RUFY3: variants seen among roughly 807,000 people sequenced by gnomAD.
The protein encoded by RUFY3 is RUN and FYVE domain containing 3, also known as protein RUFY3.
In RUFY3, 34 loss-of-function variants were observed where a neutral mutation model predicts 84.0. The ratio of observed to expected loss-of-function variants is 0.40; its 90% CI spans 0.31 to 0.54. The LOEUF (loss-of-function observed/expected upper bound fraction) is 0.54. Ranked by LOEUF, RUFY3 falls within the 20% of genes least tolerant of loss-of-function variation. The probability of loss-of-function intolerance (pLI) is 0.39; values close to 1 mark genes in which losing one functional copy is unlikely to be tolerated. For missense variants in RUFY3, 507 were observed against 736.8 expected (o/e 0.69, Z 3.61); for synonymous variants, 242 against 252.9 (o/e 0.96, Z 0.41).
chr4:70,755,938 G>A (rs1316868835), intron 1 of RUFY3, among the ~76,000 whole-genome samples: 7 of 150,038 alleles, frequency 4.7e-5, no homozygotes, highest in African/African-American at 1.2e-4. Context: ...GTGACAGAGC[G>A]AGATTCTGTC....
At chr4:70,733,403 T>C (rs528065294) in intron 1 of RUFY3, among the ~76,000 whole-genome samples, 30 of 152,312 alleles carry the variant, frequency 2.0e-4, no homozygotes, top group African/African-American at 7.0e-4. Context: ...GAATGTGCAT[T>C]GGTACATCCT....
chr4:70,773,755 G>A (rs1001961466), intron 6 of RUFY3, among the ~76,000 whole-genome samples, 183 bp downstream of exon 6: 7 of 152,082 alleles, frequency 4.6e-5, no homozygotes, highest in African/African-American at 1.4e-4. Context: ...ACCCTAAAAG[G>A]ATTTTTTTGT....
intron 1 of RUFY3, among the ~76,000 whole-genome samples, chr4:70,749,414 T>C (rs1722754655): frequency 6.6e-6 from 1 of 152,008 alleles, no homozygotes; most frequent in Admixed American, 6.6e-5. Context: ...TTTTAATCTA[T>C]TAAAGATTAG....
chr4:70,705,392 G>T (rs1740172279), intron 1 of RUFY3: 3 of 889,040 alleles, frequency 3.4e-6, no homozygotes, highest in South Asian at 6.8e-5. Context: ...CCCGCGGGGT[G>T]ACCCGAGCCG....
At chr4:70,796,408 C>T (rs1338149464) in intron 14 of RUFY3, among the ~76,000 whole-genome samples, 3 of 152,190 alleles carry the variant, frequency 2.0e-5, no homozygotes, top group African/African-American at 7.2e-5. Context: ...CAGGATTGTA[C>T]TATGAAGTTG....
chr4:70,743,067 T>A (rs1721577115), intron 1 of RUFY3, among the ~76,000 whole-genome samples: 1 of 151,930 alleles, frequency 6.6e-6, no homozygotes, highest in African/African-American at 2.4e-5. Flanking sequence ...TTATTATTAT[T>A]ATATTTATTT....
At chr4:70,774,644 A>AAATATATATATATATAT (rs1553916771) in intron 6 of RUFY3, among the ~76,000 whole-genome samples, 1 of 56,680 alleles carries the variant, frequency 1.8e-5, no homozygotes, top group African/African-American at 8.4e-5. Flanking sequence ...AAAAAAAAAA[A>AAATATATATATATATAT]ATATATATAT....
intron 12 of RUFY3, among the ~76,000 whole-genome samples, chr4:70,790,740 A>G (rs530553337): frequency 2.8e-4 from 42 of 152,304 alleles, no homozygotes; most frequent in African/African-American, 9.4e-4. Context: ...AAGTTCCCGT[A>G]TTAGATCTGT....
Position 70,793,796 on chromosome 4 carries a change from C to A in RUFY3, c.1349C>A (p.Ala450Asp). The change falls in exon 13 of 18, where the codon GCT becomes GAT. Residue 450 changes from alanine to aspartate, a missense_variant. Physicochemically the swap from Ala to Asp is moderately radical, Grantham distance 126. This residue lies in a region of RUFY3 where 334 missense variants were observed against 364.1 expected (regional missense o/e 0.92). Transcript: ENST00000381006. Reference sequence around the variant, plus strand: ...TGGCTCACATCCAGATTGCGCCAGGCTGAGCGAAGCCGCCAATCTGCTGAG... The same window carrying A: ...TGGCTCACATCCAGATTGCGCCAGGATGAGCGAAGCCGCCAATCTGCTGAG... Reference protein sequence around the residue: ...IKQLEQRLRQAERSRQSAELD... With the variant: ...IKQLEQRLRQDERSRQSAELD... 6.2e-7 allele frequency: 1 copy of A among 1,613,994 alleles called. No individual in the cohort carries two copies. The highest frequency in any genetic ancestry group is 8.5e-7 in the Non-Finnish European group (1 of 1,179,968).
upstream of RUFY3, chr4:70,721,955 T>G (rs1742351900): frequency 8.1e-6 from 10 of 1,231,986 alleles, no homozygotes; most frequent in South Asian, 4.1e-4. Context: ...GAGCCTGAAT[T>G]TTCAGTTCAG....
At chr4:70,762,178 G>A (rs1415790543) in intron 1 of RUFY3, among the ~76,000 whole-genome samples, 1 of 152,194 alleles carries the variant, frequency 6.6e-6, no homozygotes, top group Non-Finnish European at 1.5e-5. Flanking sequence ...TAGCCAGTGT[G>A]ATGGCGTGCG....
intron 1 of RUFY3, among the ~76,000 whole-genome samples, chr4:70,715,012 A>G (rs1741403548): frequency 1.3e-5 from 2 of 152,208 alleles, no homozygotes; most frequent in Admixed American, 6.5e-5. Flanking sequence ...TAACAAAGTA[A>G]TGATAAATCA....
upstream of RUFY3, chr4:70,704,084 G>A (rs1739984902): frequency 6.6e-6 from 1 of 152,342 alleles, no homozygotes; most frequent in African/African-American, 2.4e-5. Flanking sequence ...CACGGGCACT[G>A]TGAAAGAGAA....
chr4:70,738,564 G>C (rs1190398252), intron 1 of RUFY3, among the ~76,000 whole-genome samples: 1 of 150,266 alleles, frequency 6.7e-6, no homozygotes, highest in African/African-American at 2.4e-5. Flanking sequence ...GGGTTTCACT[G>C]TGTTGGCCAG....
chr4:70,727,743 T>TAC, intron 1 of RUFY3, among the ~76,000 whole-genome samples: 1 of 146,796 alleles, frequency 6.8e-6, no homozygotes, highest in East Asian at 2.1e-4. Flanking sequence ...GCCGAGATCG[T>TAC]GCCACTGCAC....
At chr4:70,759,534 T>C (rs79085529) in intron 1 of RUFY3, among the ~76,000 whole-genome samples, 11,144 of 152,208 alleles carry the variant, frequency 0.073, 647 homozygotes, top group East Asian at 0.2. Flanking sequence ...TTTGGATAAA[T>C]ATCTGGTAGT....
At chr4:70,798,908 T>A (rs1246408228) in intron 14 of RUFY3, among the ~76,000 whole-genome samples, 1 of 151,884 alleles carries the variant, frequency 6.6e-6, no homozygotes, top group African/African-American at 2.4e-5. Flanking sequence ...CCCAGCACTT[T>A]GGGAGGCCAA....
At chr4:70,737,651 A>G (rs1720548143) in intron 1 of RUFY3, among the ~76,000 whole-genome samples, 1 of 146,642 alleles carries the variant, frequency 6.8e-6, no homozygotes, top group Non-Finnish European at 1.5e-5. Flanking sequence ...TTTTATCTTC[A>G]CTTATGTCAC....
At chr4:70,717,750 G>C (rs57887879), upstream of RUFY3, among the ~76,000 whole-genome samples, 1,745 of 152,102 alleles carry the variant, frequency 0.011, 41 homozygotes, top group African/African-American at 0.04. Context: ...TGGAGTAACA[G>C]ATCTGCTACT....
Sources: allele counts gnomAD v4.1 joint callset (sites outside exome capture counted in the v4.1 genomes callset), GRCh38; gene constraint gnomAD v4.1.1; regional missense constraint gnomAD v4.1.1; transcripts MANE v1.5; gene names NCBI Gene and HGNC (gene_info 2026-07-23, HGNC 2026-07-21).